Variants in NUBP1 observed in about 807,000 individuals in gnomAD.
NUBP1 encodes cytosolic Fe-S cluster assembly factor NUBP1.
In NUBP1, 46 loss-of-function variants were observed where a neutral mutation model predicts 41.8. The observed-to-expected ratio is 1.10, with a 90% CI of 0.87 to 1.41. NUBP1 has a LOEUF of 1.41. Among genes scored for constraint, NUBP1 ranks in the 40% most tolerant of loss-of-function variants. The probability of loss-of-function intolerance (pLI) is 0.00; values close to 1 mark genes in which losing one functional copy is unlikely to be tolerated. For missense variants in NUBP1, 494 were observed against 414.0 expected (o/e 1.19, Z -1.68); for synonymous variants, 189 against 154.6 (o/e 1.22, Z -1.65).
rs1172083088 is a variant in NUBP1 at position 10,766,020 on chromosome 16, G to T, written c.821-1929G>T. 6.6e-6 allele frequency: 1 copy of T among 152,398 alleles called. No homozygotes were observed. The highest frequency in any genetic ancestry group is 2.4e-5 in the African/African-American group (1 of 41,464). The allele number at this position is 152,398 out of a possible 1,614,324, so 9.4% of individuals were successfully genotyped here. A position where few individuals can be genotyped will look rare whatever the true frequency, so the allele number is the denominator to read the frequency against. On this transcript the variant is annotated intron_variant, in intron 9 of 10. Transcript: ENST00000283027. The surrounding 1 kb of genome is among the most constrained non-coding windows in gnomAD (Gnocchi z 4.8). Reference sequence around the variant, plus strand: ...GCATCTGGCAAGGTCACTGGGGACAGAGTGGGGGAAAACCCACCTTCCTAG... The same window carrying T: ...GCATCTGGCAAGGTCACTGGGGACATAGTGGGGGAAAACCCACCTTCCTAG...
chr16:10,750,147 G>A (rs370241638), intron 3 of NUBP1, among the ~76,000 whole-genome samples: 19 of 152,172 alleles, frequency 1.2e-4, no homozygotes, highest in Admixed American at 6.5e-4. Flanking sequence ...GCAGTGAGCC[G>A]TGATTATGCC....
At chr16:10,755,632 C>A (rs1900511562) in intron 4 of NUBP1, 89 bp from the exon 5 acceptor site, 1 of 1,317,134 alleles carries the variant, frequency 7.6e-7, no homozygotes, top group Non-Finnish European at 1.1e-6. Flanking sequence ...AAAAAACCAT[C>A]GTCTTACTTT....
intron 2 of NUBP1, among the ~76,000 whole-genome samples, chr16:10,745,676 G>C (rs139857178): frequency 1.3e-5 from 2 of 152,230 alleles, no homozygotes; most frequent in African/African-American, 4.8e-5. Flanking sequence ...AAAAAGTGCA[G>C]TAGGCCTCGT....
At chr16:10,750,056 G>A (rs115366839) in intron 3 of NUBP1, among the ~76,000 whole-genome samples, 1,916 of 152,216 alleles carry the variant, frequency 0.013, 48 homozygotes, top group African/African-American at 0.044. Context: ...AAGTTAGCCA[G>A]GTGTGGTGGT....
At chr16:10,750,539 G>A (rs1047531529) in intron 3 of NUBP1, among the ~76,000 whole-genome samples, 1 of 152,226 alleles carries the variant, frequency 6.6e-6, no homozygotes, top group Admixed American at 6.5e-5. Flanking sequence ...ACCACACCCA[G>A]CCACCATAAA....
In NUBP1 at chr16:10,768,296, A is replaced by T. The variant is rs2031197080; in HGVS notation, c.904+264A>T. The T allele has an allele frequency of 4.0e-6, 1 of 251,128 alleles. No homozygotes were observed. Among genetic ancestry groups the T allele is most frequent in the Non-Finnish European group, 7.3e-6 (1 of 136,098 alleles). 15.6% of individuals were successfully genotyped at this position (251,128 alleles called of 1,614,324 possible). On this transcript the variant is annotated intron_variant, in intron 10 of 10. Coordinates refer to ENST00000283027, the MANE Select transcript of NUBP1 (RefSeq NM_002484.4). The surrounding 1 kb of genome is among the most constrained non-coding windows in gnomAD (Gnocchi z 4.3). ...TAAAGGGATAAAGTAATTCATTTTT[A>T]AAAGTAACTGATAAAAAAAAAAAAG...
chr16:10,761,826 C>G lies in NUBP1; in HGVS notation c.787C>G (p.Leu263Val). The G allele has an allele frequency of 6.2e-7, 1 of 1,614,128 alleles. No homozygotes were observed. Among genetic ancestry groups the G allele is most frequent in the Non-Finnish European group, 8.5e-7 (1 of 1,179,984 alleles). The stretch of plus-strand genomic sequence containing the variant: ...CATGTGCCAGGACTTGGAGGTCCCT[C>G]TCCTCGGCAGAGTGCCCCTGGATCC... ...ELMCQDLEVPLLGRVPLDPLI... is the reference protein window; with the variant it reads ...ELMCQDLEVPVLGRVPLDPLI... Residue 263 changes from leucine (L) to valine (V), a missense_variant, in exon 9 of 11, where the codon CTC becomes GTC. Leu to Val is a conservative substitution (Grantham distance 32). Transcript: ENST00000283027.
At chr16:10,746,299 T>C (rs923366112) in intron 2 of NUBP1, among the ~76,000 whole-genome samples, 2 of 152,224 alleles carry the variant, frequency 1.3e-5, no homozygotes, top group African/African-American at 4.8e-5. Context: ...GTGCCTGCTG[T>C]CTATCAGAGT....
At chr16:10,744,131 A>C (rs1470206680) in intron 2 of NUBP1, 66 bp downstream of exon 2, 8 of 414,250 alleles carry the variant, frequency 1.9e-5, no homozygotes, top group Non-Finnish European at 3.3e-5. Flanking sequence ...GGGGCGTGGG[A>C]GGGAGGGGGC....
Position 10,759,603 on chromosome 16 carries a change from G to A in NUBP1, c.606+1576G>A, listed in dbSNP as rs201336290. On this transcript the variant is annotated intron_variant, in intron 7 of 10. Transcript: ENST00000283027. This position sits in a 1 kb window ranked among gnomAD's most constrained non-coding sequence, Gnocchi z 4.7. Reference sequence around the variant, plus strand: ...AGACTGGCCAATATGGCAAAACCCTGTCTCTACCAAAAAAATACAAAAATT... The same window carrying A: ...AGACTGGCCAATATGGCAAAACCCTATCTCTACCAAAAAAATACAAAAATT... Among the ~76,000 whole-genome samples the A allele has an allele frequency of 1.8e-4, 28 of 152,212 alleles. No homozygotes were observed. In the East Asian group the frequency reaches 5.2e-3, roughly 28 times the overall value.
chr16:10,766,964 TC>T lies in NUBP1; in HGVS notation c.821-981del. ...TCCTGACTCACTGGGCCATATGGGC[TC>T]CCCATCTCCCACCAACCCCTCCCCA... is the stretch of plus-strand genomic sequence containing the variant. On this transcript the variant is annotated intron_variant, in intron 9 of 10. Transcript: ENST00000283027. The surrounding 1 kb of genome is among the most constrained non-coding windows in gnomAD (Gnocchi z 4.8). The T allele has an allele frequency of 2.5e-6, 1 of 398,646 alleles. No individual in the cohort carries two copies. Among genetic ancestry groups the T allele is most frequent in the Non-Finnish European group, 4.4e-6 (1 of 226,110 alleles). The allele number at this position is 398,646 out of a possible 1,614,324, so 24.7% of individuals were successfully genotyped here. A position where few individuals can be genotyped will look rare whatever the true frequency, so the allele number is the denominator to read the frequency against.
In NUBP1 at chr16:10,767,847, A is replaced by T; in HGVS notation, c.821-102A>T. 2 of 1,092,212 alleles carry T rather than the reference A, an allele frequency of 1.8e-6. No homozygotes were observed. The highest frequency in any genetic ancestry group is 1.3e-5 in the South Asian group (1 of 78,218). The allele number at this position is 1,092,212 out of a possible 1,614,324, so 67.7% of individuals were successfully genotyped here. ...TCTTCATTACGAGTGAAGCGGGCTC[A>T]AGATCTTCCCATTGTCACCAGCACG... On this transcript the variant is annotated intron_variant, in intron 9 of 10. Coordinates refer to ENST00000283027, the MANE Select transcript of NUBP1 (RefSeq NM_002484.4). This position sits in a 1 kb window ranked among gnomAD's most constrained non-coding sequence, Gnocchi z 4.6.
Position 10,757,480 on chromosome 16 carries a change from G to A in NUBP1, c.452-393G>A, listed in dbSNP as rs535971792. Among the ~76,000 whole-genome samples, 1 of 151,256 alleles carries A rather than the reference G, an allele frequency of 6.6e-6. No individual in the cohort carries two copies. Among genetic ancestry groups the A allele is most frequent in the African/African-American group, 2.4e-5 (1 of 41,176 alleles). On this transcript the variant is annotated intron_variant, in intron 6 of 10. Transcript: ENST00000283027. The surrounding 1 kb of genome is among the most constrained non-coding windows in gnomAD (Gnocchi z 4.1). The stretch of plus-strand genomic sequence containing the variant: ...TTTTGAGCCAGATAAGTCTTTGTTG[G>A]GGGGAGGAGTAGACCGTGTTCTACA...
chr16:10,746,931 C>T lies in NUBP1; in HGVS notation c.125-212C>T, dbSNP rs114172752. Among the ~76,000 whole-genome samples, 424 of 152,230 alleles carry T rather than the reference C, an allele frequency of 2.8e-3. 5 individuals are homozygous for T. Among genetic ancestry groups the T allele is most frequent in the African/African-American group, 9.2e-3 (383 of 41,526 alleles). On this transcript the variant is annotated intron_variant, in intron 2 of 10. Transcript: ENST00000283027. ...AGTTGGGGGAGACAAACGTGTAAAC[C>T]AATAAATGAGACCCCTTCAAGTGTG...
At chr16:10,753,540 G>A (rs1013540141) in intron 4 of NUBP1, among the ~76,000 whole-genome samples, 1 of 152,146 alleles carries the variant, frequency 6.6e-6, no homozygotes, top group African/African-American at 2.4e-5. Context: ...GGGGTGCTGG[G>A]ATGTCCCGAG....
chr16:10,753,481 C>T (rs1423490103), intron 4 of NUBP1, among the ~76,000 whole-genome samples: 2 of 151,862 alleles, frequency 1.3e-5, no homozygotes, highest in African/African-American at 4.8e-5. Context: ...TAGCAAGAAG[C>T]TCTCCAAGAG....
Position 10,768,213 on chromosome 16 carries a change from T to C in NUBP1, c.904+181T>C. On this transcript the variant is annotated intron_variant, in intron 10 of 10. Coordinates refer to ENST00000283027, the MANE Select transcript of NUBP1 (RefSeq NM_002484.4). This position sits in a 1 kb window ranked among gnomAD's most constrained non-coding sequence, Gnocchi z 4.3. ...TCAATGTGTGAGTATTGTGAATTAA[T>C]TCATAGTTTAAAAAACATGGTGAGG... is the stretch of plus-strand genomic sequence containing the variant. The C allele has an allele frequency of 2.0e-6, 1 of 498,068 alleles. No homozygotes were observed. Among genetic ancestry groups the C allele is most frequent in the Non-Finnish European group, 3.5e-6 (1 of 282,482 alleles). The allele number at this position is 498,068 out of a possible 1,614,324, so 30.9% of individuals were successfully genotyped here. A position where few individuals can be genotyped will look rare whatever the true frequency, so the allele number is the denominator to read the frequency against.
At chr16:10,752,730 T>C (rs773613875) in intron 4 of NUBP1, 52 bp downstream of exon 4, 4 of 1,450,582 alleles carry the variant, frequency 2.8e-6, no homozygotes, top group Non-Finnish European at 3.9e-6. Context: ...GCAAACTCTG[T>C]AGCACTGAAC....
rs891820838 is a variant in NUBP1, at chr16:10,749,719, T to A, written c.258+2443T>A. Among the ~76,000 whole-genome samples, 5 of 152,350 alleles carry A rather than the reference T, an allele frequency of 3.3e-5. No individual in the cohort carries two copies. The highest frequency in any genetic ancestry group is 6.5e-5 in the Admixed American group (1 of 15,290). On this transcript the variant is annotated intron_variant, in intron 3 of 10. Transcript: ENST00000283027. The surrounding 1 kb of genome is among the most constrained non-coding windows in gnomAD (Gnocchi z 4.1). Reference sequence around the variant, plus strand: ...GGGTGGTGGGACATGCCCTGACCTTTTTCTGCCTGCCATCTGGTGGAAGCT... The same window carrying A: ...GGGTGGTGGGACATGCCCTGACCTTATTCTGCCTGCCATCTGGTGGAAGCT...
Sources: allele counts gnomAD v4.1 joint callset (sites outside exome capture counted in the v4.1 genomes callset), GRCh38; gene constraint gnomAD v4.1.1; non-coding constraint Gnocchi (gnomAD v3.1); transcripts MANE v1.5; gene names NCBI Gene and HGNC (gene_info 2026-07-23, HGNC 2026-07-21).